Variants in FAT3 observed in about 807,000 individuals in gnomAD.
FAT3 encodes the protein FAT atypical cadherin 3, also known as protocadherin Fat 3.
In FAT3, 95 loss-of-function variants were observed where a neutral mutation model predicts 310.2. The observed-to-expected ratio is 0.31, with a 90% CI of 0.26 to 0.36. The LOEUF is 0.36. FAT3 is among the 10% of genes least tolerant of loss of function. The pLI, the probability that FAT3 is intolerant of heterozygous loss-of-function variation, is 1.00. For missense variants in FAT3, 5,408 were observed against 5,715.6 expected (o/e 0.95, Z 1.74); for synonymous variants, 2,314 against 2,192.9 (o/e 1.06, Z -1.54).
intron 2 of FAT3, among the ~76,000 whole-genome samples, chr11:92,447,488 A>G (rs1036085504): frequency 2.6e-5 from 4 of 152,130 alleles, no homozygotes; most frequent in Non-Finnish European, 2.9e-5. Flanking sequence ...GTGTAGTAAG[A>G]GCTAAGCAAT....
chr11:92,541,274 GA>G (rs1954439424), intron 3 of FAT3, among the ~76,000 whole-genome samples: 1 of 152,118 alleles, frequency 6.6e-6, no homozygotes, highest in Non-Finnish European at 1.5e-5. Context: ...CAGAATGAAT[GA>G]ATGAATAAAT....
rs568778624 is a variant in FAT3 at position 92,781,191 on chromosome 11, T to C, written c.4335+7011T>C. 2.0e-5 allele frequency among the ~76,000 whole-genome samples: 3 copies of C among 148,166 alleles called. No individual in the cohort carries two copies. In the East Asian group the frequency reaches 6.4e-4, roughly 32 times the overall value. On this transcript the variant is annotated intron_variant, in intron 7 of 27. Coordinates refer to ENST00000525166, the MANE Select transcript of FAT3 (RefSeq NM_001367949.2). The stretch of plus-strand genomic sequence containing the variant: ...CCAGGTTCAAGCAATTCTCCTGCCC[T>C]CCTGCCTCAGGCTCCAGAGTAGCTG...
rs558167975 is a variant in FAT3 at position 92,867,856 on chromosome 11, TTACTC to T, written c.12127+650_12127+654del. Among the ~76,000 whole-genome samples the T allele has an allele frequency of 4.3e-3, 652 of 152,274 alleles. 3 individuals carry two copies. Among genetic ancestry groups the T allele is most frequent in the Non-Finnish European group, 5.5e-3 (371 of 68,020 alleles). The stretch of plus-strand genomic sequence containing the variant: ...TAAGCAGGCAATGAAGGCATGATCT[TTACTC>T]TAATATTTTTTTCCCACAAGGTACA... On this transcript the variant is annotated intron_variant, in intron 22 of 27. Coordinates refer to ENST00000525166, the MANE Select transcript of FAT3 (RefSeq NM_001367949.2).
intron 1 of FAT3, among the ~76,000 whole-genome samples, chr11:92,350,619 C>G (rs1948539030): frequency 6.6e-6 from 1 of 152,040 alleles, no homozygotes. Context: ...GTCTGAGATC[C>G]TGCTTTACTA....
intron 14 of FAT3, 147 bp downstream of exon 14, chr11:92,832,158 C>G (rs545979036): frequency 1.1e-4 from 99 of 929,114 alleles, no homozygotes; most frequent in Non-Finnish European, 1.5e-4. Flanking sequence ...GAGTGAGACC[C>G]TGTCTCTACA....
chr11:92,438,260 T>G (rs1950989958), intron 2 of FAT3, among the ~76,000 whole-genome samples: 1 of 152,194 alleles, frequency 6.6e-6, no homozygotes, highest in Non-Finnish European at 1.5e-5. Flanking sequence ...ACATAGATCC[T>G]TTGTGATCTA....
chr11:92,779,589 A>AC (rs1255462896), intron 7 of FAT3, among the ~76,000 whole-genome samples: 1 of 152,206 alleles, frequency 6.6e-6, no homozygotes, highest in African/African-American at 2.4e-5. Flanking sequence ...TTTAACTCTT[A>AC]CAGTTACTCA....
intron 3 of FAT3, among the ~76,000 whole-genome samples, chr11:92,655,818 ATTTC>A (rs764860111): frequency 1.4e-4 from 21 of 152,134 alleles, no homozygotes; most frequent in Non-Finnish European, 3.1e-4. Flanking sequence ...TTTTTGGTCT[ATTTC>A]TGAAGCTTGC....
intron 4 of FAT3, among the ~76,000 whole-genome samples, chr11:92,741,678 T>A (rs1367462866): frequency 6.6e-6 from 1 of 152,200 alleles, no homozygotes; most frequent in African/African-American, 2.4e-5. Flanking sequence ...CTCCCTTTCG[T>A]CTTGTGGAAG....
At chr11:92,882,374 C>T (rs1358137308) in intron 23 of FAT3, among the ~76,000 whole-genome samples, 1 of 152,174 alleles carries the variant, frequency 6.6e-6, no homozygotes, top group African/African-American at 2.4e-5. Context: ...GATGCATCTG[C>T]TCCCGCGGAT....
intron 1 of FAT3, among the ~76,000 whole-genome samples, chr11:92,302,882 A>T (rs1947035475): frequency 6.6e-6 from 1 of 152,158 alleles, no homozygotes; most frequent in Admixed American, 6.6e-5. Context: ...TTACTTAATA[A>T]CAACTGTGGA....
chr11:92,832,138 C>G, intron 14 of FAT3, 127 bp downstream of exon 14: 1 of 1,075,020 alleles, frequency 9.3e-7, no homozygotes, highest in Non-Finnish European at 1.3e-6. Context: ...CAGGACTAGC[C>G]TGGACAACAG....
chr11:92,723,349 C>G (rs1039319347), intron 4 of FAT3, among the ~76,000 whole-genome samples: 6 of 152,152 alleles, frequency 3.9e-5, no homozygotes, highest in African/African-American at 7.2e-5. Context: ...CAACAAGTTC[C>G]TCATCTCCAT....
At chr11:92,359,117 G>T (rs1465746714) in intron 2 of FAT3, among the ~76,000 whole-genome samples, 3 of 152,040 alleles carry the variant, frequency 2.0e-5, no homozygotes, top group African/African-American at 7.2e-5. Context: ...GGGAGCCCGG[G>T]AATCTTCATT....
In FAT3 at chr11:92,795,647, G is replaced by A. The variant is rs370167278; in HGVS notation, c.4823-2189G>A. On this transcript the variant is annotated intron_variant, in intron 9 of 27. Transcript: ENST00000525166. ...TACTTGAGGCCAGGCACAGTGGCTC[G>A]TGCCTGTAATCCCAGCATTTTTGGA... is the stretch of plus-strand genomic sequence containing the variant. 8.0e-3 allele frequency among the ~76,000 whole-genome samples: 1,217 copies of A among 151,856 alleles called. 15 individuals are homozygous for A. The highest frequency in any genetic ancestry group is 0.028 in the African/African-American group (1,150 of 41,488).
intron 1 of FAT3, among the ~76,000 whole-genome samples, chr11:92,324,680 A>T (rs945707781): frequency 6.6e-6 from 1 of 152,212 alleles, no homozygotes; most frequent in African/African-American, 2.4e-5. Context: ...ATGTGAGAAC[A>T]TGCTGTTGGA....
At chr11:92,523,618 T>A (rs1037872407) in intron 2 of FAT3, among the ~76,000 whole-genome samples, 4 of 152,166 alleles carry the variant, frequency 2.6e-5, no homozygotes, top group African/African-American at 9.7e-5. Context: ...ACTGGAGAAC[T>A]GTTTCTTGAC....
chr11:92,421,335 T>G (rs1015649262), intron 2 of FAT3, among the ~76,000 whole-genome samples: 2 of 152,220 alleles, frequency 1.3e-5, no homozygotes, highest in Non-Finnish European at 2.9e-5. Context: ...CAGTTTCCAT[T>G]TATTCAGTTT....
chr11:92,627,567 A>G (rs1363681994), intron 3 of FAT3, among the ~76,000 whole-genome samples: 2 of 152,172 alleles, frequency 1.3e-5, no homozygotes, highest in African/African-American at 4.8e-5. Flanking sequence ...CCTTAGGAAA[A>G]TAATTTATTA....
Sources: allele counts gnomAD v4.1 joint callset (sites outside exome capture counted in the v4.1 genomes callset), GRCh38; gene constraint gnomAD v4.1.1; transcripts MANE v1.5; gene names NCBI Gene and HGNC (gene_info 2026-07-23, HGNC 2026-07-21).